Variants in DSCAM observed in about 807,000 individuals in gnomAD.
DSCAM encodes the protein cell adhesion molecule DSCAM.
A neutral mutation model predicts 217.7 loss-of-function variants in DSCAM; 47 were observed. That is an observed-to-expected ratio of 0.22 (90% CI 0.17 to 0.28). The LOEUF (loss-of-function observed/expected upper bound fraction) is 0.28. Among genes scored for constraint, DSCAM ranks in the 10% least tolerant of loss-of-function variants. The pLI, the probability that DSCAM is intolerant of heterozygous loss-of-function variation, is 1.00. For synonymous variants in DSCAM, 1,056 were observed against 1,015.3 expected (o/e 1.04, Z -0.76); for missense variants, 2,080 against 2,618.3 (o/e 0.79, Z 4.49).
chr21:40,202,148 G>A (rs1568997242), intron 11 of DSCAM, among the ~76,000 whole-genome samples: 1 of 152,104 alleles, frequency 6.6e-6, no homozygotes, highest in Non-Finnish European at 1.5e-5. Context: ...GACAAGTCTT[G>A]GGCCAATAGC....
At chr21:40,394,138 TG>T (rs1419561028) in intron 3 of DSCAM, among the ~76,000 whole-genome samples, 1 of 152,176 alleles carries the variant, frequency 6.6e-6, no homozygotes, top group African/African-American at 2.4e-5. Flanking sequence ...GACAATCTTG[TG>T]GGGGTCTAAA....
At chr21:40,725,911 C>T (rs1432024533) in intron 1 of DSCAM, among the ~76,000 whole-genome samples, 2 of 152,110 alleles carry the variant, frequency 1.3e-5, no homozygotes, top group Non-Finnish European at 1.5e-5. Context: ...ATTTTGACCT[C>T]TCATGTACCC....
intron 1 of DSCAM, among the ~76,000 whole-genome samples, chr21:40,833,973 AC>A (rs755348270): frequency 1.5e-4 from 23 of 152,122 alleles, no homozygotes; most frequent in Admixed American, 1.3e-3. Context: ...ATGTGTGACA[AC>A]CAAAAATGTC....
intron 19 of DSCAM, 83 bp downstream of exon 19, chr21:40,133,771 A>C: frequency 6.8e-7 from 1 of 1,479,218 alleles, no homozygotes; most frequent in Non-Finnish European, 9.0e-7. Flanking sequence ...TAGCCTGATG[A>C]ACTGCAGGGT....
At chr21:40,760,311 C>A (rs1052940814) in intron 1 of DSCAM, among the ~76,000 whole-genome samples, 2 of 152,132 alleles carry the variant, frequency 1.3e-5, no homozygotes, top group Non-Finnish European at 2.9e-5. Flanking sequence ...CCACTACGCC[C>A]AGCCACATTC....
intron 11 of DSCAM, among the ~76,000 whole-genome samples, chr21:40,195,391 G>T (rs1273710614): frequency 6.6e-6 from 1 of 152,178 alleles, no homozygotes; most frequent in Admixed American, 6.5e-5. Context: ...GTACCAAACA[G>T]CCTGGATAAT....
chr21:40,314,991 G>C (rs1261587792), intron 8 of DSCAM, among the ~76,000 whole-genome samples: 1 of 152,196 alleles, frequency 6.6e-6, no homozygotes, highest in Non-Finnish European at 1.5e-5. Context: ...TAAGTTGAAA[G>C]GTTACTGGGC....
At chr21:40,817,867 C>T (rs1358680515) in intron 1 of DSCAM, among the ~76,000 whole-genome samples, 1 of 151,340 alleles carries the variant, frequency 6.6e-6, no homozygotes, top group African/African-American at 2.4e-5. Flanking sequence ...GAGGCCGAGG[C>T]GGGTGGATCA....
chr21:40,219,665 A>G (rs1360497284), intron 11 of DSCAM, among the ~76,000 whole-genome samples: 3 of 152,142 alleles, frequency 2.0e-5, no homozygotes, highest in Non-Finnish European at 4.4e-5. Context: ...GCTTTAAAAA[A>G]TTTTCCTGCC....
At chr21:40,454,151 CT>C (rs1466735477) in intron 3 of DSCAM, among the ~76,000 whole-genome samples, 1 of 152,196 alleles carries the variant, frequency 6.6e-6, no homozygotes, top group South Asian at 2.1e-4. Flanking sequence ...GCAATTTTCT[CT>C]TTTTTCTAAT....
rs371588356 is a variant in DSCAM at position 40,679,044 on chromosome 21, C to T, written c.508+13766G>A. 6.6e-4 allele frequency among the ~76,000 whole-genome samples: 101 copies of T among 152,292 alleles called. 3 individuals carry two copies. The South Asian group carries it at 0.019, about 28-fold the overall frequency. Reference sequence around the variant, plus strand: ...TTTGAAATGTCGATTTCCCTCAGAACGGCATCACGTAGGAGATGTCAGCTA... The same window carrying T: ...TTTGAAATGTCGATTTCCCTCAGAATGGCATCACGTAGGAGATGTCAGCTA... On this transcript the variant is annotated intron_variant, in intron 3 of 32. Coordinates refer to ENST00000400454, the MANE Select transcript of DSCAM (RefSeq NM_001389.5).
At chr21:40,723,863 A>T (rs1363400795) in intron 1 of DSCAM, among the ~76,000 whole-genome samples, 1 of 152,220 alleles carries the variant, frequency 6.6e-6, no homozygotes, top group Non-Finnish European at 1.5e-5. Context: ...CTTTTTATCC[A>T]ATATTTGTAC....
At chr21:40,080,835 TC>T (rs2089444953) in intron 24 of DSCAM, among the ~76,000 whole-genome samples, 1 of 152,186 alleles carries the variant, frequency 6.6e-6, no homozygotes, top group Admixed American at 6.5e-5. Context: ...CAGCTCCAAG[TC>T]TTGCAGCCAT....
intron 8 of DSCAM, among the ~76,000 whole-genome samples, chr21:40,323,853 C>T (rs1031631045): frequency 6.6e-6 from 1 of 151,984 alleles, no homozygotes; most frequent in Admixed American, 6.5e-5. Context: ...CCTGTAATCC[C>T]AGCACTTTGG....
At chr21:40,508,118 C>G (rs960373353) in intron 3 of DSCAM, among the ~76,000 whole-genome samples, 1 of 152,174 alleles carries the variant, frequency 6.6e-6, no homozygotes, top group African/African-American at 2.4e-5. Flanking sequence ...TGGGTCCCAG[C>G]AGATTCCATT....
At chr21:40,252,118 G>A (rs1326752406) in intron 11 of DSCAM, among the ~76,000 whole-genome samples, 1 of 152,166 alleles carries the variant, frequency 6.6e-6, no homozygotes, top group Admixed American at 6.5e-5. Flanking sequence ...GTTTCAGATG[G>A]TTGAAGCCAG....
intron 11 of DSCAM, among the ~76,000 whole-genome samples, chr21:40,231,563 C>T (rs187174443): frequency 3.8e-4 from 57 of 149,808 alleles, no homozygotes; most frequent in African/African-American, 1.4e-3. Flanking sequence ...AATACAGTGG[C>T]ATGATCACGG....
At chr21:40,451,917 T>C (rs2075722934) in intron 3 of DSCAM, among the ~76,000 whole-genome samples, 1 of 152,112 alleles carries the variant, frequency 6.6e-6, no homozygotes, top group Non-Finnish European at 1.5e-5. Context: ...ATAAATGGGT[T>C]TAAGGAGGTA....
chr21:40,402,206 A>G (rs1409044032), intron 3 of DSCAM, among the ~76,000 whole-genome samples: 1 of 150,694 alleles, frequency 6.6e-6, no homozygotes, highest in Non-Finnish European at 1.5e-5. Context: ...ACTACAGACT[A>G]CAGGCGCCCG....
Sources: allele counts gnomAD v4.1 joint callset (sites outside exome capture counted in the v4.1 genomes callset), GRCh38; gene constraint gnomAD v4.1.1; transcripts MANE v1.5; gene names NCBI Gene and HGNC (gene_info 2026-07-23, HGNC 2026-07-21).